The following CADPS variants were observed in gnomAD, a reference collection of about 807,000 sequenced individuals.
The protein encoded by CADPS is calcium-dependent secretion activator 1.
In CADPS, 57 loss-of-function variants were observed where a neutral mutation model predicts 167.3. The ratio of observed to expected loss-of-function variants is 0.34; its 90% CI spans 0.28 to 0.42. The LOEUF (loss-of-function observed/expected upper bound fraction) is 0.42. Among genes scored for constraint, CADPS ranks in the 20% least tolerant of loss-of-function variants. The probability of loss-of-function intolerance (pLI) is 1.00; values close to 1 mark genes in which losing one functional copy is unlikely to be tolerated. For synonymous variants in CADPS, 676 were observed against 635.3 expected, an observed-to-expected ratio of 1.06 and a Z score of -0.96; for missense variants, 1,414 against 1,738.1, an observed-to-expected ratio of 0.81 and a Z score of 3.32.
intron 26 of CADPS, among the ~76,000 whole-genome samples, chr3:62,460,487 G>T (rs2059207833): frequency 6.6e-6 from 1 of 152,186 alleles, no homozygotes; most frequent in Admixed American, 6.5e-5. Context: ...TGAAGCCAAA[G>T]CATAAGTGAA....
At chr3:62,410,872 A>G (rs1216524858) in intron 28 of CADPS, among the ~76,000 whole-genome samples, 1 of 152,168 alleles carries the variant, frequency 6.6e-6, no homozygotes, top group Admixed American at 6.5e-5. Flanking sequence ...TGGGAGGCTA[A>G]AGTGGGAGGA....
At chr3:62,670,653 A>AT (rs1475822476) in intron 3 of CADPS, among the ~76,000 whole-genome samples, 1 of 151,956 alleles carries the variant, frequency 6.6e-6, no homozygotes, top group African/African-American at 2.4e-5. Flanking sequence ...AAATGCAGCA[A>AT]TTTTCTGAAC....
chr3:62,445,466 G>A (rs1431851206), intron 27 of CADPS, among the ~76,000 whole-genome samples: 1 of 151,962 alleles, frequency 6.6e-6, no homozygotes, highest in Non-Finnish European at 1.5e-5. Flanking sequence ...TGAACATGAT[G>A]AAAACAGAAT....
chr3:62,518,826 G>T (rs1327727180), intron 13 of CADPS, among the ~76,000 whole-genome samples: 2 of 152,132 alleles, frequency 1.3e-5, no homozygotes, highest in Non-Finnish European at 2.9e-5. Flanking sequence ...CCCGGTGTCA[G>T]ACGTCTTAAA....
At chr3:62,432,516 GGA>G (rs2054191698) in intron 28 of CADPS, among the ~76,000 whole-genome samples, 1 of 152,066 alleles carries the variant, frequency 6.6e-6, no homozygotes, top group Admixed American at 6.5e-5. Flanking sequence ...AAAGTGATGG[GGA>G]GACTCATAGC....
intron 3 of CADPS, among the ~76,000 whole-genome samples, chr3:62,750,597 G>A (rs956341746): frequency 6.6e-6 from 1 of 152,008 alleles, no homozygotes; most frequent in Non-Finnish European, 1.5e-5. Context: ...GTAGAAATTT[G>A]GAGACATAAA....
At chr3:62,728,048 T>C (rs1048395215) in intron 3 of CADPS, among the ~76,000 whole-genome samples, 1 of 151,846 alleles carries the variant, frequency 6.6e-6, no homozygotes, top group Non-Finnish European at 1.5e-5. Context: ...CAATAGAGCA[T>C]ATGGTACTGT....
intron 3 of CADPS, among the ~76,000 whole-genome samples, chr3:62,738,559 A>G (rs2079499270): frequency 6.6e-6 from 1 of 152,026 alleles, no homozygotes; most frequent in Admixed American, 6.6e-5. Context: ...CCCCGTCTCT[A>G]CTAAAAGTAC....
rs148847600 is a variant in CADPS, at chr3:62,532,753, G to A, written c.2291+118C>T. The A allele has an allele frequency of 1.2e-4, 84 of 718,898 alleles. No individual in the cohort carries two copies. In the Middle Eastern group the frequency reaches 3.3e-3, roughly 28 times the overall value. The allele number at this position is 718,898 out of a possible 1,614,324, so 44.5% of individuals were successfully genotyped here. A position where few individuals can be genotyped will look rare whatever the true frequency, so the allele number is the denominator to read the frequency against. On this transcript the variant is annotated intron_variant, in intron 13 of 29. Transcript: ENST00000383710. ...TGTGTGTGTGTGTGTGTGTGTGTAC[G>A]TGTGCACATACCACCGAAGGAATGA...
chr3:62,481,783 C>T lies in CADPS; in HGVS notation c.3113G>A (p.Gly1038Asp). The change falls in exon 22 of 30, where the codon GGC becomes GAC. Residue 1038 changes from glycine (G) to aspartate (D), a missense_variant. Coordinates refer to ENST00000383710, the MANE Select transcript of CADPS (RefSeq NM_003716.4). ...CGAAAAAGTAGGCATTTGTGGGATG[C>T]CTAGAGGGATGTTAACTGGTAGATT... ...VPNLPVNIPL[G>D]IPQMPTFSAP... 6.2e-7 allele frequency: 1 copy of T among 1,610,692 alleles called. No homozygotes were observed. The highest frequency in any genetic ancestry group is 8.5e-7 in the Non-Finnish European group (1 of 1,178,730).
chr3:62,586,270 T>C (rs1254626515), intron 7 of CADPS, among the ~76,000 whole-genome samples: 3 of 152,182 alleles, frequency 2.0e-5, no homozygotes, highest in Non-Finnish European at 1.5e-5. Flanking sequence ...TTTGGCTGTT[T>C]TCAAAGTATT....
intron 6 of CADPS, among the ~76,000 whole-genome samples, chr3:62,639,236 A>G: frequency 6.6e-6 from 1 of 152,152 alleles, no homozygotes; most frequent in Middle Eastern, 3.2e-3. Context: ...GACTTTTACC[A>G]TTTATGATTT....
At chr3:62,860,799 A>C (rs983274695) in intron 1 of CADPS, among the ~76,000 whole-genome samples, 1 of 152,188 alleles carries the variant, frequency 6.6e-6, no homozygotes. Context: ...TAACCACTAC[A>C]TGTGGTCCAT....
chr3:62,417,264 T>C (rs2050247772), intron 28 of CADPS, among the ~76,000 whole-genome samples: 1 of 148,470 alleles, frequency 6.7e-6, no homozygotes. Context: ...CAATAACTAT[T>C]TTTCTTTTAC....
intron 3 of CADPS, among the ~76,000 whole-genome samples, chr3:62,738,354 C>T (rs2079435646): frequency 6.6e-6 from 1 of 152,088 alleles, no homozygotes; most frequent in African/African-American, 2.4e-5. Context: ...CTCAAAACTG[C>T]CAATTAAAAG....
intron 3 of CADPS, among the ~76,000 whole-genome samples, chr3:62,698,122 G>C (rs952507609): frequency 6.6e-6 from 1 of 151,984 alleles, no homozygotes; most frequent in African/African-American, 2.4e-5. Flanking sequence ...AATGGATGCT[G>C]TAGCATCACC....
chr3:62,528,063 C>A (rs2072739218), intron 13 of CADPS, among the ~76,000 whole-genome samples: 1 of 152,160 alleles, frequency 6.6e-6, no homozygotes, highest in East Asian at 1.9e-4. Flanking sequence ...TCCAGGTAGG[C>A]CATATTAGTT....
intron 1 of CADPS, among the ~76,000 whole-genome samples, chr3:62,837,120 C>T (rs2076011601): frequency 6.6e-6 from 1 of 152,162 alleles, no homozygotes; most frequent in African/African-American, 2.4e-5. Flanking sequence ...ATATTGATAA[C>T]TTCTATCACA....
Position 62,533,069 on chromosome 3 carries a change from A to C in CADPS, c.2104-11T>G, listed in dbSNP as rs759913559. ...AGGACTGAACCAGCCCTATATAAAGAATAAAGGAGAGACTTTCTTTTAAAT... is the reference window on the plus strand; with the variant it reads ...AGGACTGAACCAGCCCTATATAAAGCATAAAGGAGAGACTTTCTTTTAAAT... On this transcript the variant is annotated splice_polypyrimidine_tract_variant and intron_variant, in intron 12 of 29. Transcript: ENST00000383710. 1 of 1,604,992 alleles carries C rather than the reference A, an allele frequency of 6.2e-7. No homozygotes were observed. The highest frequency in any genetic ancestry group is 1.1e-5 in the South Asian group (1 of 90,722).
Sources: allele counts gnomAD v4.1 joint callset (sites outside exome capture counted in the v4.1 genomes callset), GRCh38; gene constraint gnomAD v4.1.1; transcripts MANE v1.5; gene names NCBI Gene and HGNC (gene_info 2026-07-23, HGNC 2026-07-21).